Variants in CSMD2 observed in about 807,000 individuals in gnomAD.
CSMD2 encodes CUB and Sushi multiple domains 2.
Under a neutral mutation model 398.5 loss-of-function variants are expected in CSMD2, and 130 were observed. That is an observed-to-expected ratio of 0.33 (90% CI 0.28 to 0.38). The LOEUF (loss-of-function observed/expected upper bound fraction) is 0.38. CSMD2 is among the 10% of genes least tolerant of loss of function. CSMD2 has a pLI of 1.00. For synonymous variants in CSMD2, 1,828 were observed against 1,908.5 expected, an observed-to-expected ratio of 0.96 and a Z score of 1.10; for missense variants, 3,829 against 4,764.9, an observed-to-expected ratio of 0.80 and a Z score of 5.78.
intron 60 of CSMD2, among the ~76,000 whole-genome samples, chr1:33,540,114 T>G (rs16835560): frequency 0.2 from 30,591 of 151,892 alleles, 3,262 homozygotes; most frequent in East Asian, 0.36. Flanking sequence ...GGGCCAGGTG[T>G]ATAAAAAATA....
chr1:33,933,626 G>A (rs1644379345), intron 4 of CSMD2, among the ~76,000 whole-genome samples: 1 of 152,142 alleles, frequency 6.6e-6, no homozygotes, highest in Admixed American at 6.5e-5. Context: ...TAAGGCAGGG[G>A]GTGGGTAAGG....
intron 25 of CSMD2, among the ~76,000 whole-genome samples, chr1:33,684,083 G>A (rs1487747474): frequency 6.6e-6 from 1 of 152,136 alleles, no homozygotes; most frequent in Non-Finnish European, 1.5e-5. Flanking sequence ...TGACCACTGT[G>A]GGGAGTTGCT....
At chr1:34,111,461 G>C (rs1044064354) in intron 1 of CSMD2, among the ~76,000 whole-genome samples, 9 of 152,200 alleles carry the variant, frequency 5.9e-5, no homozygotes, top group Non-Finnish European at 1.3e-4. Context: ...ATCCAGCACA[G>C]GGCTGCCACA....
At chr1:34,075,965 G>C (rs1656275184) in intron 2 of CSMD2, among the ~76,000 whole-genome samples, 1 of 152,182 alleles carries the variant, frequency 6.6e-6, no homozygotes, top group Non-Finnish European at 1.5e-5. Flanking sequence ...GATCCATTAT[G>C]AGAAGAATCT....
intron 1 of CSMD2, among the ~76,000 whole-genome samples, chr1:34,129,381 G>T (rs1016963348): frequency 6.6e-5 from 10 of 152,250 alleles, no homozygotes; most frequent in African/African-American, 2.4e-4. Context: ...GCTGGGCGCA[G>T]TGGCTCACGC....
At chr1:33,610,711 C>T (rs189590195) in intron 41 of CSMD2, among the ~76,000 whole-genome samples, 3 of 152,312 alleles carry the variant, frequency 2.0e-5, no homozygotes, top group East Asian at 3.9e-4. Flanking sequence ...TTCAGTTTAT[C>T]AAGCCCGAGG....
chr1:33,896,885 G>A (rs149540407), intron 5 of CSMD2, among the ~76,000 whole-genome samples: 17 of 152,090 alleles, frequency 1.1e-4, no homozygotes, highest in East Asian at 1.9e-4. Context: ...GGGAAAGCAC[G>A]TGCAAAGGCC....
At chr1:34,033,655 C>T (rs6698219) in intron 2 of CSMD2, among the ~76,000 whole-genome samples, 30,868 of 152,142 alleles carry the variant, frequency 0.2, 3,411 homozygotes, top group Middle Eastern at 0.31. Flanking sequence ...CCTGCCTTAC[C>T]ACACCCAGGT....
In CSMD2 at chr1:33,602,564, C is replaced by T. The variant is rs750574178; in HGVS notation, c.6533-18G>A. ...ACAAGGGACTGCCAGGGAGGGAACACAAACGTAAGTGCAGGGCCTCGGTAC... is the reference window on the plus strand; with the variant it reads ...ACAAGGGACTGCCAGGGAGGGAACATAAACGTAAGTGCAGGGCCTCGGTAC... On this transcript the variant is annotated intron_variant, in intron 42 of 70. Coordinates refer to ENST00000373381, the MANE Select transcript of CSMD2 (RefSeq NM_001281956.2). The T allele has an allele frequency of 1.3e-6, 2 of 1,572,770 alleles. No individual in the cohort carries two copies. The highest frequency in any genetic ancestry group is 1.4e-5 in the African/African-American group (1 of 73,476).
At chr1:33,842,862 G>A (rs1660991849) in intron 6 of CSMD2, among the ~76,000 whole-genome samples, 3 of 152,202 alleles carry the variant, frequency 2.0e-5, no homozygotes, top group Admixed American at 6.5e-5. Context: ...TGTGACTGCT[G>A]CTTTAGACGC....
At chr1:34,000,075 A>G (rs1255777079) in intron 3 of CSMD2, among the ~76,000 whole-genome samples, 1 of 152,182 alleles carries the variant, frequency 6.6e-6, no homozygotes, top group Non-Finnish European at 1.5e-5. Context: ...CTTGACCACA[A>G]ACCATTAGGC....
intron 5 of CSMD2, among the ~76,000 whole-genome samples, chr1:33,858,881 A>C (rs1445304680): frequency 2.0e-5 from 3 of 152,254 alleles, no homozygotes; most frequent in Non-Finnish European, 4.4e-5. Flanking sequence ...AAAGAACGTA[A>C]GAGTGAATTA....
intron 64 of CSMD2, among the ~76,000 whole-genome samples, chr1:33,527,947 A>G (rs1468690878): frequency 6.7e-6 from 1 of 148,368 alleles, no homozygotes; most frequent in Non-Finnish European, 1.5e-5. Flanking sequence ...TCTCAAAAAA[A>G]AAAAAAAAAA....
chr1:34,162,586 C>G (rs1379612529), intron 1 of CSMD2, among the ~76,000 whole-genome samples: 2 of 152,070 alleles, frequency 1.3e-5, no homozygotes, highest in African/African-American at 4.8e-5. Flanking sequence ...GGGCTGGGCG[C>G]GGTGGCTCAC....
intron 12 of CSMD2, among the ~76,000 whole-genome samples, chr1:33,776,534 G>A (rs577178854): frequency 2.0e-5 from 3 of 152,168 alleles, no homozygotes; most frequent in Non-Finnish European, 4.4e-5. Flanking sequence ...ATCATGCCTA[G>A]ATGGATTGCC....
chr1:33,939,361 G>A (rs535165260), intron 3 of CSMD2, among the ~76,000 whole-genome samples: 2 of 152,266 alleles, frequency 1.3e-5, no homozygotes, highest in East Asian at 3.9e-4. Context: ...TACAGCAGAG[G>A]CAATGACTGT....
At chr1:34,020,112 G>C (rs1380153527) in intron 3 of CSMD2, among the ~76,000 whole-genome samples, 2 of 152,204 alleles carry the variant, frequency 1.3e-5, no homozygotes, top group Non-Finnish European at 2.9e-5. Context: ...ATGGGTAACA[G>C]GTGCTGTGTT....
chr1:34,046,772 G>A (rs376867968), intron 2 of CSMD2, among the ~76,000 whole-genome samples: 1 of 152,188 alleles, frequency 6.6e-6, no homozygotes, highest in African/African-American at 2.4e-5. Context: ...CCTATTAAAC[G>A]CTATGTACTA....
Position 33,606,138 on chromosome 1 carries a change from G to A in CSMD2, c.6344-668C>T. On this transcript the variant is annotated intron_variant, in intron 41 of 70. Transcript: ENST00000373381. The stretch of plus-strand genomic sequence containing the variant: ...AGGAGATGCCTCCATGGAAGCAGCT[G>A]AGGCCAGTCCATTGGGGAGAGGCTG... The A allele has an allele frequency of 4.0e-6, 5 of 1,254,078 alleles. No homozygotes were observed. In the South Asian group the frequency reaches 8.1e-5, roughly 20 times the overall value. The allele number at this position is 1,254,078 out of a possible 1,614,324, so 77.7% of individuals were successfully genotyped here.
Sources: allele counts gnomAD v4.1 joint callset (sites outside exome capture counted in the v4.1 genomes callset), GRCh38; gene constraint gnomAD v4.1.1; transcripts MANE v1.5; gene names NCBI Gene and HGNC (gene_info 2026-07-23, HGNC 2026-07-21).